Variants in MYO18B observed in about 807,000 individuals in gnomAD.
MYO18B encodes the protein unconventional myosin-XVIIIb.
In MYO18B, 204 loss-of-function variants were observed where a neutral mutation model predicts 273.0. That is an observed-to-expected ratio of 0.75 (90% CI 0.67 to 0.84). The LOEUF (loss-of-function observed/expected upper bound fraction) is 0.84, where lower values mean the gene tolerates loss of function less well. MYO18B is among the 40% of genes least tolerant of loss of function. The probability of loss-of-function intolerance (pLI) is 0.00; values close to 1 mark genes in which losing one functional copy is unlikely to be tolerated. For missense variants in MYO18B, 3,212 were observed against 3,287.6 expected (o/e 0.98, Z 0.56); for synonymous variants, 1,330 against 1,305.7 (o/e 1.02, Z -0.40).
chr22:25,874,278 C>T lies in MYO18B; in HGVS notation c.3952-8C>T. The T allele has an allele frequency of 1.2e-6, 2 of 1,613,970 alleles. No homozygotes were observed. The highest frequency in any genetic ancestry group is 8.5e-7 in the Non-Finnish European group (1 of 1,179,856). On this transcript the variant is annotated splice_polypyrimidine_tract_variant and splice_region_variant and intron_variant, in intron 22 of 43. Transcript: ENST00000335473. ...AGAGGACTCACCTGAAACCTTCCCT[C>T]TCCCCAGGTTTTTCTCAAGGCAGGT...
At chr22:26,002,423 G>A (rs1037158758) in intron 40 of MYO18B, among the ~76,000 whole-genome samples, 4 of 152,192 alleles carry the variant, frequency 2.6e-5, no homozygotes, top group African/African-American at 9.6e-5. Context: ...CTGGACAAAT[G>A]CATGTAAATA....
chr22:25,959,083 T>C (rs1443639625), intron 39 of MYO18B: 1 of 152,134 alleles, frequency 6.6e-6, no homozygotes, highest in Non-Finnish European at 1.5e-5. Context: ...CTTAGTGTAC[T>C]TCGTACAAGT....
At chr22:25,953,967 A>C (rs4822675) in intron 38 of MYO18B, among the ~76,000 whole-genome samples, 125,476 of 152,046 alleles carry the variant, frequency 0.83, 53,120 homozygotes, top group Middle Eastern at 0.97. Flanking sequence ...ACTGAATAGG[A>C]AAGCATTTCT....
intron 34 of MYO18B, among the ~76,000 whole-genome samples, chr22:25,942,244 G>T (rs2092653010): frequency 6.6e-6 from 1 of 152,228 alleles, no homozygotes; most frequent in Non-Finnish European, 1.5e-5. Flanking sequence ...CTGGCACTTA[G>T]TGTTGGTAAC....
At position 25,910,823 on chromosome 22, in the gene MYO18B, G is replaced by A; in HGVS notation, c.5260-123G>A. On this transcript the variant is annotated intron_variant, in intron 32 of 43. Transcript: ENST00000335473. ...GAGACACTACCACCCAATCACTAGG[G>A]CAGCCTCATGGAACAAAGCCACAAG... is the stretch of plus-strand genomic sequence containing the variant. 6.8e-6 allele frequency: 5 copies of A among 731,682 alleles called. No individual in the cohort carries two copies. The South Asian group carries it at 8.6e-5, about 13-fold the overall frequency. 45.3% of individuals were successfully genotyped at this position (731,682 alleles called of 1,614,324 possible). A position where few individuals can be genotyped will look rare whatever the true frequency, so the allele number is the denominator to read the frequency against.
At chr22:25,861,742 A>G (rs1263056845) in intron 21 of MYO18B, among the ~76,000 whole-genome samples, 1 of 152,174 alleles carries the variant, frequency 6.6e-6, no homozygotes, top group Non-Finnish European at 1.5e-5. Context: ...TGTGTAAACT[A>G]GGTATTTTCC....
At chr22:25,774,964 C>T (rs1376192076) in intron 7 of MYO18B, among the ~76,000 whole-genome samples, 10 of 152,258 alleles carry the variant, frequency 6.6e-5, no homozygotes, top group African/African-American at 1.4e-4. Context: ...TCTGTGCATG[C>T]GTGCAAGGGC....
chr22:25,860,011 A>G (rs1011948529), intron 21 of MYO18B, among the ~76,000 whole-genome samples: 11 of 152,220 alleles, frequency 7.2e-5, no homozygotes, highest in African/African-American at 2.7e-4. Flanking sequence ...AATTTTGTGT[A>G]TGGTGTAACA....
chr22:25,849,527 A>G (rs887028107), intron 20 of MYO18B, among the ~76,000 whole-genome samples: 4 of 152,140 alleles, frequency 2.6e-5, no homozygotes, highest in African/African-American at 9.7e-5. Flanking sequence ...CATGCATGCT[A>G]TTGAGTACCT....
chr22:26,040,013 A>AGAT, the MYO18B span, among the ~76,000 whole-genome samples: 2 of 152,156 alleles, frequency 1.3e-5, no homozygotes, highest in Admixed American at 1.3e-4. Flanking sequence ...TTTTTTGTAG[A>AGAT]GATGGGTTTC....
Position 25,955,364 on chromosome 22 carries a change from G to A in MYO18B, c.6156G>A (p.Leu2052=), listed in dbSNP as rs2092837974. 1.2e-6 allele frequency: 2 copies of A among 1,611,708 alleles called. No individual in the cohort carries two copies. Among genetic ancestry groups the A allele is most frequent in the African/African-American group, 1.3e-5 (1 of 74,860 alleles). ...EAEASRRCME[L]EKYVEELAAV... is the part of the protein sequence containing the mutation. The stretch of plus-strand genomic sequence containing the variant: ...AGGCCAGCCGGCGGTGCATGGAGCT[G>A]GTGAGTCCTGTCCCCATCATGGGCT... The change falls in exon 39 of 44, where the codon CTG becomes CTA. Residue 2052 remains leucine, a splice_region_variant and synonymous_variant. Coordinates refer to ENST00000335473, the MANE Select transcript of MYO18B (RefSeq NM_032608.7).
chr22:25,921,538 G>A (rs2092342146), intron 34 of MYO18B, 129 bp downstream of exon 34: 1 of 1,186,718 alleles, frequency 8.4e-7, no homozygotes, highest in Admixed American at 2.4e-5. Flanking sequence ...TGTGCAGGGA[G>A]ATGGGGGGCA....
At chr22:25,987,069 C>T (rs2093210002) in intron 39 of MYO18B, among the ~76,000 whole-genome samples, 1 of 152,068 alleles carries the variant, frequency 6.6e-6, no homozygotes, top group African/African-American at 2.4e-5. Flanking sequence ...TTGTGTGGCA[C>T]AGGTGAAATT....
rs1387874112 is a variant in MYO18B, at chr22:25,986,452, A to G, written c.6157-5911A>G. Among the ~76,000 whole-genome samples, 3 of 152,336 alleles carry G rather than the reference A, an allele frequency of 2.0e-5. 1 individual carries two copies. The highest frequency in any genetic ancestry group is 6.8e-3 in the Middle Eastern group (2 of 294). ...TAGCCATTGCTACCACTTTGTTGCA[A>G]TAATCTCAGCTCACTTTTTATGTTT... On this transcript the variant is annotated intron_variant, in intron 39 of 43. Coordinates refer to ENST00000335473, the MANE Select transcript of MYO18B (RefSeq NM_032608.7).
intron 40 of MYO18B, among the ~76,000 whole-genome samples, chr22:25,996,665 G>A (rs1241121797): frequency 2.0e-5 from 3 of 152,116 alleles, no homozygotes; most frequent in Non-Finnish European, 4.4e-5. Flanking sequence ...AGAACGTAGT[G>A]CTATGATGAA....
chr22:25,851,801 CA>C (rs1456247964), intron 21 of MYO18B, among the ~76,000 whole-genome samples: 10 of 152,108 alleles, frequency 6.6e-5, no homozygotes, highest in African/African-American at 2.2e-4. Context: ...GGGATTGCCC[CA>C]GGGGGCATCT....
chr22:25,943,418 G>A (rs1053103202), intron 34 of MYO18B, among the ~76,000 whole-genome samples: 1 of 152,196 alleles, frequency 6.6e-6, no homozygotes, highest in Non-Finnish European at 1.5e-5. Flanking sequence ...GCCAGAGGGA[G>A]ATTAGGCCAC....
At position 25,836,964 on chromosome 22, in the gene MYO18B, AAATAATAATAATAATAATAAT is replaced by A. The variant is rs71191082; in HGVS notation, c.3208+1548_3208+1568del. ...ACAACAAGAGTGAAATTCCATCTCA[AAATAATAATAATAATAATAAT>A]AATAATAATAATAATAATAATAATA... is the stretch of plus-strand genomic sequence containing the variant. On this transcript the variant is annotated intron_variant, in intron 17 of 43. Transcript: ENST00000335473. Among the ~76,000 whole-genome samples the A allele has an allele frequency of 9.8e-4, 139 of 142,154 alleles. 1 individual carries two copies. The highest frequency in any genetic ancestry group is 2.8e-3 in the African/African-American group (110 of 38,608). 93.3% of individuals were successfully genotyped at this position (142,154 alleles called of 152,430 possible).
intron 31 of MYO18B, among the ~76,000 whole-genome samples, chr22:25,904,842 G>C (rs1433538584): frequency 6.6e-6 from 1 of 151,862 alleles, no homozygotes; most frequent in East Asian, 1.9e-4. Context: ...GAATTAATAG[G>C]CAGATAAAGC....
Sources: allele counts gnomAD v4.1 joint callset (sites outside exome capture counted in the v4.1 genomes callset), GRCh38; gene constraint gnomAD v4.1.1; transcripts MANE v1.5; gene names NCBI Gene and HGNC (gene_info 2026-07-23, HGNC 2026-07-21).